NRDE2: variants seen among roughly 807,000 people sequenced by gnomAD.
NRDE2 encodes NRDE-2, necessary for RNA interference, domain containing.
NRDE2 carries 76 observed loss-of-function variants against 124.2 expected under a neutral mutation model. The ratio of observed to expected loss-of-function variants is 0.61; its 90% confidence interval spans 0.51 to 0.74. The LOEUF is 0.74. Among genes scored for constraint, NRDE2 ranks in the 30% least tolerant of loss-of-function variants. The pLI is 0.00. For synonymous variants in NRDE2, 489 were observed against 528.1 expected, an observed-to-expected ratio of 0.93 and a Z score of 1.01; for missense variants, 1,314 against 1,417.3, an observed-to-expected ratio of 0.93 and a Z score of 1.17.
intron 2 of NRDE2, 85 bp downstream of exon 2, chr14:90,317,920 A>T: frequency 1.1e-6 from 1 of 904,964 alleles, no homozygotes; most frequent in Non-Finnish European, 1.7e-6. Flanking sequence ...CTCTTTTATT[A>T]GAGTTTTCTA....
chr14:90,316,239 A>C (rs1459026286), intron 3 of NRDE2, among the ~76,000 whole-genome samples: 2 of 152,192 alleles, frequency 1.3e-5, no homozygotes, highest in East Asian at 3.9e-4. Context: ...TCTCCTACCC[A>C]GAGTGTGGAG....
At chr14:90,302,032 C>T (rs1000930904) in intron 6 of NRDE2, among the ~76,000 whole-genome samples, 2 of 152,206 alleles carry the variant, frequency 1.3e-5, no homozygotes, top group Non-Finnish European at 2.9e-5. Flanking sequence ...AAATAAATGC[C>T]TGCTCTGTGC....
intron 7 of NRDE2, among the ~76,000 whole-genome samples, chr14:90,300,354 G>C (rs1185232040): frequency 6.6e-6 from 1 of 152,122 alleles, no homozygotes; most frequent in Non-Finnish European, 1.5e-5. Flanking sequence ...TCTAGAGGTA[G>C]CATCATGATA....
chr14:90,306,151 A>AT (rs1884592814), intron 4 of NRDE2, among the ~76,000 whole-genome samples: 1 of 152,150 alleles, frequency 6.6e-6, no homozygotes, highest in South Asian at 2.1e-4. Flanking sequence ...GTATATTAAA[A>AT]TTTTTTCCTA....
intron 12 of NRDE2, among the ~76,000 whole-genome samples, chr14:90,284,880 A>G (rs965985998): frequency 1.7e-4 from 26 of 152,244 alleles, no homozygotes; most frequent in Non-Finnish European, 1.9e-4. Context: ...TATTAAGCCA[A>G]AGAGCCACCT....
chr14:90,324,353 A>G (rs139494595), intron 1 of NRDE2, among the ~76,000 whole-genome samples: 115 of 152,276 alleles, frequency 7.6e-4, no homozygotes, highest in Admixed American at 1.8e-3. Flanking sequence ...ACTATTTGAA[A>G]GATGAGCAGC....
intron 1 of NRDE2, among the ~76,000 whole-genome samples, chr14:90,330,183 G>C (rs1885617778): frequency 7.7e-6 from 1 of 129,050 alleles, no homozygotes; most frequent in Admixed American, 8.5e-5. Flanking sequence ...CTCCAGCTTG[G>C]GCGACAGAGC....
chr14:90,270,312 T>A lies in NRDE2; in HGVS notation c.*8024A>T. 1 of 1,613,706 alleles carries A rather than the reference T, an allele frequency of 6.2e-7. No homozygotes were observed. The highest frequency in any genetic ancestry group is 8.5e-7 in the Non-Finnish European group (1 of 1,179,948). ...GCTGATGATGTAACCCTGGACGACC[T>A]GATCATGGCTAAAGATGACCTCTCT... On this transcript the variant is annotated 3_prime_UTR_variant, in exon 14 of 14. Coordinates refer to ENST00000354366, the MANE Select transcript of NRDE2 (RefSeq NM_017970.4).
chr14:90,302,092 C>T (rs1252125784), intron 6 of NRDE2, among the ~76,000 whole-genome samples: 2 of 152,194 alleles, frequency 1.3e-5, no homozygotes, highest in Non-Finnish European at 2.9e-5. Flanking sequence ...CTGTGCAACA[C>T]AGTCCTGTAA....
chr14:90,318,211 G>A, intron 1 of NRDE2, 98 bp from the exon 2 acceptor site: 1 of 850,546 alleles, frequency 1.2e-6, no homozygotes, highest in Non-Finnish European at 1.9e-6. Context: ...CTAATTCACA[G>A]CCAATGCCAG....
In NRDE2 at chr14:90,312,509, G is replaced by T; in HGVS notation, c.442C>A (p.Arg148Ser). 6.2e-7 allele frequency: 1 copy of T among 1,614,072 alleles called. No homozygotes were observed. Among genetic ancestry groups the T allele is most frequent in the Non-Finnish European group, 8.5e-7 (1 of 1,179,972 alleles). Residue 148 changes from arginine to serine, a missense_variant, in exon 4 of 14, where the codon CGC becomes AGC. By Grantham distance (110) the Arg-to-Ser change is moderately radical. Transcript: ENST00000354366. The part of the protein sequence containing the change: ...GNNAAADTGH[R>S]FVWLEDIQAV... ...TGAATGTCCTCAAGCCAAACAAAGC[G>T]ATGTCCAGTATCAGCTGCAGCATTA...
intron 1 of NRDE2, among the ~76,000 whole-genome samples, chr14:90,328,221 C>T (rs1178335574): frequency 6.7e-6 from 1 of 149,170 alleles, no homozygotes; most frequent in East Asian, 2.0e-4. Flanking sequence ...GCAGGAGAAT[C>T]ACTTGAACCC....
chr14:90,326,735 A>G (rs575047095), intron 1 of NRDE2, among the ~76,000 whole-genome samples: 2 of 152,188 alleles, frequency 1.3e-5, no homozygotes, highest in African/African-American at 2.4e-5. Flanking sequence ...TTAAAAAGAA[A>G]AACAATCCCT....
At chr14:90,323,102 A>C (rs2139713962) in intron 1 of NRDE2, among the ~76,000 whole-genome samples, 1 of 152,360 alleles carries the variant, frequency 6.6e-6, no homozygotes, top group Non-Finnish European at 1.5e-5. Context: ...AAATGTGGAA[A>C]CATCAGGCAG....
At chr14:90,318,352 T>G (rs10142085) in intron 1 of NRDE2, among the ~76,000 whole-genome samples, 2 of 152,194 alleles carry the variant, frequency 1.3e-5, no homozygotes, top group Non-Finnish European at 2.9e-5. Flanking sequence ...GATATCAAAC[T>G]GCAGCTTAAG....
In NRDE2 at chr14:90,302,729, CCT is replaced by C; in HGVS notation, c.1400_1401del (p.Glu467GlyfsTer20). On this transcript the variant is annotated frameshift_variant, in exon 6 of 14. Transcript: ENST00000354366. LOFTEE classifies it high-confidence loss of function. ...LSHPALPGTE[E>X]AMFALFLQQC... is the part of the protein sequence containing the mutation. ...CTGGTTATCTCCTTACCAAACATGG[CCT>C]CTTCCGTGCCAGGCAACGCAGGGTG... 6.2e-7 allele frequency: 1 copy of C among 1,604,522 alleles called. No homozygotes were observed. Among genetic ancestry groups the C allele is most frequent in the Non-Finnish European group, 8.5e-7 (1 of 1,174,796 alleles).
intron 3 of NRDE2, among the ~76,000 whole-genome samples, chr14:90,315,882 A>G (rs1307390612): frequency 6.8e-6 from 1 of 147,294 alleles, no homozygotes; most frequent in East Asian, 2.1e-4. Flanking sequence ...GCCTGAACCC[A>G]GGAGGTAAAG....
intron 7 of NRDE2, among the ~76,000 whole-genome samples, chr14:90,299,221 T>G (rs1005261393): frequency 5.3e-5 from 8 of 151,918 alleles, no homozygotes; most frequent in Non-Finnish European, 1.0e-4. Context: ...TAATTTTGTG[T>G]TTTTTTAGTA....
Position 90,270,096 on chromosome 14 carries a change from C to T in NRDE2, c.*8240G>A, listed in dbSNP as rs559934101. The T allele has an allele frequency of 3.0e-5, 37 of 1,240,032 alleles. No homozygotes were observed. The highest frequency in any genetic ancestry group is 6.1e-5 in the African/African-American group (4 of 66,108). The allele number at this position is 1,240,032 out of a possible 1,614,324, so 76.8% of individuals were successfully genotyped here. On this transcript the variant is annotated 3_prime_UTR_variant, in exon 14 of 14. Transcript: ENST00000354366. ...GACATCCTTCCCACAGAATTCTGTCCGACTGAAACTTCGTATGTAAGGAGA... is the reference window on the plus strand; with the variant it reads ...GACATCCTTCCCACAGAATTCTGTCTGACTGAAACTTCGTATGTAAGGAGA...
Sources: allele counts gnomAD v4.1 joint callset (sites outside exome capture counted in the v4.1 genomes callset), GRCh38; gene constraint gnomAD v4.1.1; transcripts MANE v1.5; gene names NCBI Gene and HGNC (gene_info 2026-07-23, HGNC 2026-07-21).